SLC36A1: variants seen among roughly 807,000 people sequenced by gnomAD.
SLC36A1 encodes the protein solute carrier family 36 member 1.
Under a neutral mutation model 47.5 loss-of-function variants are expected in SLC36A1, and 30 were observed. That is an observed-to-expected ratio of 0.63 (90% CI 0.47 to 0.86). The LOEUF (loss-of-function observed/expected upper bound fraction) is 0.86. Ranked by LOEUF, SLC36A1 falls within the 40% of genes least tolerant of loss-of-function variation. The pLI is 0.00. For missense variants in SLC36A1, 517 were observed against 606.0 expected (o/e 0.85, Z 1.54); for synonymous variants, 255 against 249.7 (o/e 1.02, Z -0.20).
At chr5:151,522,010 G>A in the SLC36A1 span, 2 of 1,614,058 alleles carry the variant, frequency 1.2e-6, no homozygotes, top group South Asian at 1.1e-5. Flanking sequence ...AGCAGAAGGT[G>A]CATAGTGGCT....
intron 1 of SLC36A1, among the ~76,000 whole-genome samples, chr5:151,457,941 C>T (rs908272202): frequency 7.9e-5 from 12 of 151,520 alleles, no homozygotes; most frequent in Admixed American, 2.6e-4. Flanking sequence ...CTCCGCCTCC[C>T]GGTTTCAAGC....
intron 1 of SLC36A1, among the ~76,000 whole-genome samples, chr5:151,441,587 T>A (rs1251670012): frequency 2.6e-5 from 4 of 152,218 alleles, no homozygotes; most frequent in Admixed American, 6.5e-5. Flanking sequence ...CATACGTATA[T>A]ATTTCTGTAA....
At chr5:151,409,326 T>C in the SLC36A1 span, among the ~76,000 whole-genome samples, 2 of 152,020 alleles carry the variant, frequency 1.3e-5, no homozygotes, top group Non-Finnish European at 2.9e-5. Context: ...TAGATTTTCA[T>C]TGTTGCTCAG....
the SLC36A1 span, among the ~76,000 whole-genome samples, chr5:151,533,744 C>CATAT: frequency 6.6e-6 from 1 of 151,278 alleles, no homozygotes; most frequent in East Asian, 1.9e-4. Context: ...TACACACATA[C>CATAT]ATATATATAT....
chr5:151,369,631 C>T, the SLC36A1 span, among the ~76,000 whole-genome samples: 1 of 152,140 alleles, frequency 6.6e-6, no homozygotes, highest in Non-Finnish European at 1.5e-5. Flanking sequence ...CAGGCACACA[C>T]CACTATGACT....
chr5:151,347,849 CAATT>C, the SLC36A1 span, among the ~76,000 whole-genome samples: 4 of 152,182 alleles, frequency 2.6e-5, no homozygotes, highest in African/African-American at 9.7e-5. Flanking sequence ...TTAACCCTAT[CAATT>C]AAGTAAGGAG....
At chr5:151,430,836 G>A in the SLC36A1 span, among the ~76,000 whole-genome samples, 1 of 152,228 alleles carries the variant, frequency 6.6e-6, no homozygotes, top group Admixed American at 6.5e-5. Flanking sequence ...GACTAGATCA[G>A]TCTTGGCTCC....
intron 10 of SLC36A1, among the ~76,000 whole-genome samples, chr5:151,485,523 C>T (rs1759395372): frequency 6.6e-6 from 1 of 152,164 alleles, no homozygotes; most frequent in Non-Finnish European, 1.5e-5. Flanking sequence ...AGGCAGGATC[C>T]TTCCACTGAT....
upstream of SLC36A1, among the ~76,000 whole-genome samples, chr5:151,446,804 C>G (rs1752950687): frequency 6.6e-6 from 1 of 152,156 alleles, no homozygotes; most frequent in African/African-American, 2.4e-5. Context: ...AAGTGCAATT[C>G]AAGTTCATTA....
the SLC36A1 span, among the ~76,000 whole-genome samples, chr5:151,411,804 GAAACCAAACC>G: frequency 5.5e-5 from 8 of 144,216 alleles, 2 homozygotes; most frequent in Non-Finnish European, 7.6e-5. Flanking sequence ...CCTGCTTGTT[GAAACCAAACC>G]AAACCAAACC....
chr5:151,439,775 A>G (rs907855907), intron 1 of SLC36A1, among the ~76,000 whole-genome samples: 16 of 151,186 alleles, frequency 1.1e-4, no homozygotes, highest in Admixed American at 8.6e-4. Context: ...TGAGCTGATG[A>G]TTTCTTGCTT....
chr5:151,501,025 C>A, the SLC36A1 span, among the ~76,000 whole-genome samples: 2 of 152,126 alleles, frequency 1.3e-5, no homozygotes, highest in Admixed American at 1.3e-4. Flanking sequence ...GAATGGGAGG[C>A]AGGGAGGTGC....
chr5:151,389,861 A>G, the SLC36A1 span, among the ~76,000 whole-genome samples: 5 of 152,038 alleles, frequency 3.3e-5, no homozygotes, highest in African/African-American at 7.3e-5. Context: ...TAGTGCCGCA[A>G]TAAACATACA....
chr5:151,359,285 C>A, the SLC36A1 span, among the ~76,000 whole-genome samples: 3 of 152,190 alleles, frequency 2.0e-5, no homozygotes, highest in Non-Finnish European at 4.4e-5. Flanking sequence ...CTCCTGGCTA[C>A]CCCCACTCAA....
chr5:151,386,016 C>T, the SLC36A1 span, among the ~76,000 whole-genome samples: 3 of 151,840 alleles, frequency 2.0e-5, no homozygotes, highest in African/African-American at 4.8e-5. Flanking sequence ...TGATTATAGG[C>T]GCCCGCCACC....
chr5:151,409,729 G>T, the SLC36A1 span, among the ~76,000 whole-genome samples: 3 of 152,116 alleles, frequency 2.0e-5, no homozygotes, highest in East Asian at 3.8e-4. Context: ...GTTCAATTGC[G>T]CTGGTCCAAA....
At chr5:151,381,149 A>T in the SLC36A1 span, 18 of 476,838 alleles carry the variant, frequency 3.8e-5, no homozygotes, top group Non-Finnish European at 7.0e-5. Flanking sequence ...TGAGCTGGCC[A>T]TGGCTGTGTG....
the SLC36A1 span, among the ~76,000 whole-genome samples, chr5:151,522,797 C>G: frequency 6.6e-6 from 1 of 152,168 alleles, no homozygotes; most frequent in Non-Finnish European, 1.5e-5. Flanking sequence ...GTGTGTTCAA[C>G]AGCACAGACG....
intron 10 of SLC36A1, among the ~76,000 whole-genome samples, chr5:151,480,379 C>T (rs1372278941): frequency 6.6e-6 from 1 of 152,070 alleles, no homozygotes; most frequent in Non-Finnish European, 1.5e-5. Flanking sequence ...ATTATTCAGT[C>T]TGAGCCTCTG....
Sources: allele counts gnomAD v4.1 joint callset (sites outside exome capture counted in the v4.1 genomes callset), GRCh38; gene constraint gnomAD v4.1.1; transcripts MANE v1.5; gene names NCBI Gene and HGNC (gene_info 2026-07-23, HGNC 2026-07-21).